The following BLTP3B variants were observed in gnomAD, a reference collection of about 807,000 sequenced individuals.
The protein encoded by BLTP3B is bridge-like lipid transfer protein family member 3B.
chr12:100,059,271 T>G, the BLTP3B span: 9 of 1,613,838 alleles, frequency 5.6e-6, no homozygotes, highest in Non-Finnish European at 6.8e-6. Context: ...ATAAATTTCA[T>G]GCATTTTGGT....
chr12:100,068,980 G>GTCA, the BLTP3B span, among the ~76,000 whole-genome samples: 1 of 152,212 alleles, frequency 6.6e-6, no homozygotes, highest in Non-Finnish European at 1.5e-5. Context: ...GCTCCCGCCT[G>GTCA]TCATCCCAGC....
the BLTP3B span, among the ~76,000 whole-genome samples, chr12:100,083,653 G>T: frequency 6.7e-6 from 1 of 150,254 alleles, no homozygotes; most frequent in African/African-American, 2.4e-5. Context: ...TTGTATACAT[G>T]TATCAAAATA....
chr12:100,132,214 T>C, the BLTP3B span, among the ~76,000 whole-genome samples: 1 of 152,202 alleles, frequency 6.6e-6, no homozygotes, highest in Non-Finnish European at 1.5e-5. Flanking sequence ...AAGCAAAGTG[T>C]AATACTGCAA....
At chr12:100,054,722 A>C in the BLTP3B span, among the ~76,000 whole-genome samples, 2 of 152,268 alleles carry the variant, frequency 1.3e-5, no homozygotes, top group African/African-American at 4.8e-5. Context: ...AGAGTTAGAC[A>C]GAGAATTTTT....
At chr12:100,134,878 G>A in the BLTP3B span, among the ~76,000 whole-genome samples, 1 of 152,110 alleles carries the variant, frequency 6.6e-6, no homozygotes, top group Non-Finnish European at 1.5e-5. Flanking sequence ...CCTAGAACCT[G>A]ACTATCACTA....
At chr12:100,064,698 T>C in the BLTP3B span, among the ~76,000 whole-genome samples, 1 of 152,000 alleles carries the variant, frequency 6.6e-6, no homozygotes, top group South Asian at 2.1e-4. Flanking sequence ...AAGCTTCACA[T>C]GTCAAGTAAA....
At chr12:100,118,576 A>G in the BLTP3B span, among the ~76,000 whole-genome samples, 4 of 152,318 alleles carry the variant, frequency 2.6e-5, no homozygotes, top group Admixed American at 1.3e-4. Flanking sequence ...ATTTGAACAG[A>G]GTATGGCCTA....
chr12:100,120,775 T>C, the BLTP3B span, among the ~76,000 whole-genome samples: 3 of 151,512 alleles, frequency 2.0e-5, no homozygotes, highest in South Asian at 2.1e-4. Flanking sequence ...TATGAAAACA[T>C]AGCACATACA....
chr12:100,107,056 G>A, the BLTP3B span, among the ~76,000 whole-genome samples: 1 of 152,154 alleles, frequency 6.6e-6, no homozygotes, highest in East Asian at 1.9e-4. Flanking sequence ...GGGAGGCAGA[G>A]GCGGGTGGTG....
the BLTP3B span, among the ~76,000 whole-genome samples, chr12:100,082,642 T>C: frequency 5.3e-5 from 8 of 152,242 alleles, no homozygotes; most frequent in Admixed American, 4.6e-4. Context: ...CATTATTAAA[T>C]AGGAAAGCAT....
the BLTP3B span, chr12:100,039,845 A>G: frequency 1.4e-6 from 2 of 1,472,210 alleles, no homozygotes; most frequent in Non-Finnish European, 9.1e-7. Flanking sequence ...ATAAATCTTT[A>G]AAAGTTCCAT....
At chr12:100,099,913 G>C in the BLTP3B span, among the ~76,000 whole-genome samples, 1 of 145,904 alleles carries the variant, frequency 6.9e-6, no homozygotes, top group Non-Finnish European at 1.5e-5. Flanking sequence ...GGGTGACAGA[G>C]AGAGATCACA....
At chr12:100,058,092 T>G in the BLTP3B span, 1 of 1,609,202 alleles carries the variant, frequency 6.2e-7, no homozygotes, top group African/African-American at 1.3e-5. Context: ...GATATCCAGG[T>G]TTTCAGAGAG....
At chr12:100,048,733 G>GGGGA in the BLTP3B span, among the ~76,000 whole-genome samples, 7 of 129,046 alleles carry the variant, frequency 5.4e-5, no homozygotes, top group South Asian at 7.5e-4. Flanking sequence ...TAGTAAGGGG[G>GGGGA]GGGAGAGAGA....
chr12:100,067,859 G>A, the BLTP3B span, among the ~76,000 whole-genome samples: 5 of 152,172 alleles, frequency 3.3e-5, no homozygotes, highest in South Asian at 1.0e-3. Flanking sequence ...CGACACAAAC[G>A]AATGGAAACA....
At chr12:100,129,975 G>A in the BLTP3B span, among the ~76,000 whole-genome samples, 14 of 152,080 alleles carry the variant, frequency 9.2e-5, no homozygotes, top group African/African-American at 3.4e-4. Flanking sequence ...TCCCCCCCTT[G>A]GGATGGAGTC....
chr12:100,107,806 C>T, the BLTP3B span, among the ~76,000 whole-genome samples: 1 of 152,186 alleles, frequency 6.6e-6, no homozygotes, highest in Non-Finnish European at 1.5e-5. Flanking sequence ...ACAATCATGA[C>T]TCACTGCAGC....
At chr12:100,056,733 G>C in the BLTP3B span, among the ~76,000 whole-genome samples, 1 of 151,926 alleles carries the variant, frequency 6.6e-6, no homozygotes, top group Non-Finnish European at 1.5e-5. Context: ...AACTACTTGG[G>C]AGGCTGAGGC....
At chr12:100,121,369 A>AC in the BLTP3B span, among the ~76,000 whole-genome samples, 3 of 148,882 alleles carry the variant, frequency 2.0e-5, no homozygotes, top group African/African-American at 7.4e-5. Context: ...AAAAAAAAAA[A>AC]AAAACAGAAA....
Sources: allele counts gnomAD v4.1 joint callset (sites outside exome capture counted in the v4.1 genomes callset), GRCh38; gene constraint gnomAD v4.1.1; transcripts MANE v1.5; gene names NCBI Gene and HGNC (gene_info 2026-07-23, HGNC 2026-07-21).